Variants in ULK4 observed in about 807,000 individuals in gnomAD.
ULK4 encodes unc-51 like kinase 4, also known as inactive serine/threonine-protein kinase ULK4.
A neutral mutation model predicts 160.6 loss-of-function variants in ULK4; 133 were observed. That is an observed-to-expected ratio of 0.83 (90% CI 0.72 to 0.96). ULK4 has a LOEUF of 0.96. Ranked by LOEUF, ULK4 falls within the 40% of genes least tolerant of loss-of-function variation. ULK4 has a pLI of 0.00. For synonymous variants in ULK4, 534 were observed against 539.8 expected, an observed-to-expected ratio of 0.99 and a Z score of 0.15; for missense variants, 1,580 against 1,499.5, an observed-to-expected ratio of 1.05 and a Z score of -0.89.
chr3:41,510,437 C>T (rs1241861449), intron 32 of ULK4, among the ~76,000 whole-genome samples: 1 of 152,028 alleles, frequency 6.6e-6, no homozygotes, highest in Non-Finnish European at 1.5e-5. Flanking sequence ...GACAGAAAGT[C>T]AACAAAGAAA....
At chr3:41,273,928 C>T (rs2079183990) in intron 35 of ULK4, among the ~76,000 whole-genome samples, 1 of 152,170 alleles carries the variant, frequency 6.6e-6, no homozygotes, top group Non-Finnish European at 1.5e-5. Flanking sequence ...AGCACAAAAG[C>T]CCACACCAGA....
chr3:41,612,614 A>T (rs1471968011), intron 31 of ULK4, among the ~76,000 whole-genome samples: 2 of 152,214 alleles, frequency 1.3e-5, no homozygotes, highest in African/African-American at 4.8e-5. Flanking sequence ...TTTTTTATTT[A>T]ACCAGTTTGA....
chr3:41,468,881 A>C (rs537874132), intron 32 of ULK4, among the ~76,000 whole-genome samples: 1 of 152,216 alleles, frequency 6.6e-6, no homozygotes, highest in Admixed American at 6.5e-5. Flanking sequence ...ACCAACTGGG[A>C]TTAGGCAGAA....
chr3:41,713,451 A>G (rs1446213193), intron 25 of ULK4, among the ~76,000 whole-genome samples: 1 of 152,230 alleles, frequency 6.6e-6, no homozygotes, highest in Non-Finnish European at 1.5e-5. Flanking sequence ...TGAGTATACA[A>G]AAGGTGAACA....
At chr3:41,622,614 G>C (rs1433486090) in intron 30 of ULK4, among the ~76,000 whole-genome samples, 1 of 152,120 alleles carries the variant, frequency 6.6e-6, no homozygotes, top group Admixed American at 6.6e-5. Context: ...TGGAGGGAAA[G>C]GGGAGGGAGA....
intron 34 of ULK4, among the ~76,000 whole-genome samples, chr3:41,415,487 C>T (rs2082503490): frequency 6.6e-6 from 1 of 152,208 alleles, no homozygotes; most frequent in Non-Finnish European, 1.5e-5. Flanking sequence ...AGCCTAAACA[C>T]TGGCCTTCCC....
intron 29 of ULK4, among the ~76,000 whole-genome samples, chr3:41,666,281 C>T (rs1052656596): frequency 2.6e-5 from 4 of 152,162 alleles, no homozygotes; most frequent in African/African-American, 9.7e-5. Flanking sequence ...AATGTTACTA[C>T]CATAAATTAT....
At chr3:41,772,793 CTGA>C (rs2039442640) in intron 21 of ULK4, among the ~76,000 whole-genome samples, 1 of 152,154 alleles carries the variant, frequency 6.6e-6, no homozygotes, top group South Asian at 2.1e-4. Flanking sequence ...ACCAATATCC[CTGA>C]TGAACACTGA....
intron 34 of ULK4, among the ~76,000 whole-genome samples, chr3:41,424,168 G>T (rs1446839143): frequency 1.3e-5 from 2 of 151,848 alleles, no homozygotes; most frequent in African/African-American, 4.8e-5. Flanking sequence ...AGCAGCTGTG[G>T]CATATAGTGG....
At chr3:41,622,750 C>G (rs1362851178) in intron 30 of ULK4, among the ~76,000 whole-genome samples, 1 of 152,032 alleles carries the variant, frequency 6.6e-6, no homozygotes, top group Non-Finnish European at 1.5e-5. Flanking sequence ...CATGTACCCC[C>G]AAACTTAAAA....
At chr3:41,856,530 T>TAA (rs1211362380) in intron 17 of ULK4, among the ~76,000 whole-genome samples, 1 of 122,920 alleles carries the variant, frequency 8.1e-6, no homozygotes, top group African/African-American at 3.3e-5. Flanking sequence ...TATATATATA[T>TAA]ATGTATGTAT....
chr3:41,420,663 T>A (rs2082643527), intron 34 of ULK4, among the ~76,000 whole-genome samples: 1 of 151,562 alleles, frequency 6.6e-6, no homozygotes, highest in Non-Finnish European at 1.5e-5. Flanking sequence ...TTTTGTATTT[T>A]TAGTAGAGAT....
At chr3:41,399,283 T>C (rs1166661881) in intron 34 of ULK4, among the ~76,000 whole-genome samples, 1 of 152,218 alleles carries the variant, frequency 6.6e-6, no homozygotes, top group Non-Finnish European at 1.5e-5. Flanking sequence ...ATGTGCTGAT[T>C]GGCCATTTGC....
chr3:41,253,491 C>T (rs2078776170), intron 35 of ULK4, among the ~76,000 whole-genome samples: 1 of 150,772 alleles, frequency 6.6e-6, no homozygotes, highest in Non-Finnish European at 1.5e-5. Context: ...AGAGCAACCA[C>T]TTAAAAAAAT....
intron 29 of ULK4, among the ~76,000 whole-genome samples, chr3:41,679,403 C>T (rs1204678999): frequency 1.3e-5 from 2 of 152,144 alleles, no homozygotes; most frequent in Middle Eastern, 3.2e-3. Context: ...AAGGCTTATA[C>T]GCTACAACAG....
At chr3:41,908,704 A>G (rs1280723933) in intron 11 of ULK4, among the ~76,000 whole-genome samples, 1 of 152,022 alleles carries the variant, frequency 6.6e-6, no homozygotes, top group Non-Finnish European at 1.5e-5. Flanking sequence ...TCAGCCACCC[A>G]AAGTGCAGGG....
rs1400731395 is a variant in ULK4 at position 41,705,279 on chromosome 3, TC to T, written c.2660del (p.Gly887GlufsTer5). 1.9e-6 allele frequency: 3 copies of T among 1,613,226 alleles called. No homozygotes were observed. The Admixed American group carries it at 5.0e-5, about 27-fold the overall frequency. The part of the protein sequence containing the change: ...ILSHIKSVDS[G>X]ETNIDGAIGL... The stretch of plus-strand genomic sequence containing the variant: ...CTATGGCTCCATCTATGTTCGTTTC[TC>T]CTGAGTCTACAGATTTAATATGACT... On this transcript the variant is annotated frameshift_variant, in exon 26 of 37. Transcript: ENST00000301831. LOFTEE classifies it high-confidence loss of function.
At chr3:41,442,560 C>T (rs182151603) in intron 34 of ULK4, among the ~76,000 whole-genome samples, 2 of 152,186 alleles carry the variant, frequency 1.3e-5, no homozygotes, top group Admixed American at 1.3e-4. Context: ...AATTAGGTTG[C>T]TCCATGATCT....
chr3:41,369,140 T>C (rs2081311427), intron 35 of ULK4, among the ~76,000 whole-genome samples: 1 of 152,186 alleles, frequency 6.6e-6, no homozygotes, highest in Non-Finnish European at 1.5e-5. Flanking sequence ...GTACTCTAAT[T>C]TATGTTAACA....
Sources: gnomAD v4.1 joint callset for allele counts (sites outside exome capture counted in the v4.1 genomes callset) on GRCh38, gnomAD v4.1.1 for gene constraint, MANE v1.5 for transcripts, NCBI Gene and HGNC (gene_info 2026-07-23, HGNC 2026-07-21) for gene names.